Variants in SLC35F4 observed in about 807,000 individuals in gnomAD.
SLC35F4 encodes solute carrier family 35 member F4.
In SLC35F4, 24 loss-of-function variants were observed where a neutral mutation model predicts 44.2. The observed-to-expected ratio is 0.54, with a 90% CI of 0.39 to 0.76. The LOEUF is 0.76. Among genes scored for constraint, SLC35F4 ranks in the 30% least tolerant of loss-of-function variants. The pLI is 0.00. For synonymous variants in SLC35F4, 238 were observed against 223.6 expected, an observed-to-expected ratio of 1.06 and a Z score of -0.57; for missense variants, 562 against 586.1, an observed-to-expected ratio of 0.96 and a Z score of 0.42.
chr14:57,567,285 A>G (rs947517241), intron 6 of SLC35F4, among the ~76,000 whole-genome samples: 5 of 152,242 alleles, frequency 3.3e-5, no homozygotes, highest in Non-Finnish European at 7.3e-5. Flanking sequence ...AAAAAGAATT[A>G]TAAATTACAA....
chr14:57,976,903 A>T (rs1186411735), exon 2 of SLC35F4: 1 of 152,226 alleles, frequency 6.6e-6, no homozygotes, highest in Non-Finnish European at 1.5e-5. Flanking sequence ...TTGTCTTGAC[A>T]TTCTGCAGAC....
At chr14:57,678,534 G>T (rs2074777712) in intron 1 of SLC35F4, among the ~76,000 whole-genome samples, 1 of 152,008 alleles carries the variant, frequency 6.6e-6, no homozygotes, top group Non-Finnish European at 1.5e-5. Context: ...ACCCTTAAAT[G>T]TAAATGGGCT....
At chr14:57,716,935 T>C (rs562726413) in intron 1 of SLC35F4, among the ~76,000 whole-genome samples, 1 of 152,176 alleles carries the variant, frequency 6.6e-6, no homozygotes, top group Non-Finnish European at 1.5e-5. Flanking sequence ...TGAGATCAAC[T>C]TTTTTAGCTT....
At chr14:57,843,330 G>C (rs879387581) in intron 1 of SLC35F4, among the ~76,000 whole-genome samples, 4 of 152,110 alleles carry the variant, frequency 2.6e-5, no homozygotes, top group Non-Finnish European at 5.9e-5. Context: ...CCAGGATCCT[G>C]ACTGAATATT....
chr14:57,787,023 G>T (rs183606161), intron 1 of SLC35F4, among the ~76,000 whole-genome samples: 2 of 152,144 alleles, frequency 1.3e-5, no homozygotes, highest in African/African-American at 4.8e-5. Context: ...AACGATACAA[G>T]AAGTGAAGGG....
At chr14:57,729,406 T>C (rs1454914690) in intron 1 of SLC35F4, among the ~76,000 whole-genome samples, 1 of 152,168 alleles carries the variant, frequency 6.6e-6, no homozygotes, top group Non-Finnish European at 1.5e-5. Flanking sequence ...ACTCCTCGGG[T>C]ATTGCTGTTA....
At chr14:57,937,064 C>CTTGCT (rs1555329412) in intron 1 of SLC35F4, among the ~76,000 whole-genome samples, 10,969 of 144,226 alleles carry the variant, frequency 0.076, 465 homozygotes, top group Middle Eastern at 0.13. Context: ...ATTTTACCTG[C>CTTGCT]TTTTTTTTTT....
At chr14:57,887,316 T>C (rs987793825) in intron 1 of SLC35F4, among the ~76,000 whole-genome samples, 5 of 152,178 alleles carry the variant, frequency 3.3e-5, no homozygotes, top group Non-Finnish European at 7.3e-5. Context: ...AGGCAGACAC[T>C]TGGGCTGCAT....
At position 57,704,069 on chromosome 14, in the gene SLC35F4, G is replaced by T. The variant is rs77775415; in HGVS notation, c.104-109945C>A. On this transcript the variant is annotated intron_variant, in intron 1 of 7. Coordinates refer to ENST00000556826, the MANE Select transcript of SLC35F4 (RefSeq NM_001306087.2). ...TTCTCTTCACCTTTTCTATAGCAAA[G>T]AACTATTTCTCTAGGCAGGACTTAG... Among the ~76,000 whole-genome samples the T allele has an allele frequency of 7.5e-3, 1,148 of 152,244 alleles. 20 individuals are homozygous for T. The highest frequency in any genetic ancestry group is 0.039 in the East Asian group (203 of 5,182).
chr14:57,979,930 T>G (rs541547485), intron 1 of SLC35F4, among the ~76,000 whole-genome samples: 21 of 152,342 alleles, frequency 1.4e-4, no homozygotes, highest in South Asian at 8.3e-4. Flanking sequence ...AATGTCATAA[T>G]CAGGGTTAAT....
At chr14:57,849,188 G>A (rs1886316102) in intron 1 of SLC35F4, among the ~76,000 whole-genome samples, 1 of 152,120 alleles carries the variant, frequency 6.6e-6, no homozygotes, top group South Asian at 2.1e-4. Context: ...TAACAATTTT[G>A]TTGTTGTTGT....
intron 1 of SLC35F4, among the ~76,000 whole-genome samples, chr14:57,617,824 C>G (rs2071934918): frequency 6.6e-6 from 1 of 152,164 alleles, no homozygotes. Flanking sequence ...AATAGGGAAC[C>G]TGGGACTTAC....
chr14:57,784,774 A>C (rs1444505242), intron 1 of SLC35F4, among the ~76,000 whole-genome samples: 1 of 152,126 alleles, frequency 6.6e-6, no homozygotes, highest in Non-Finnish European at 1.5e-5. Flanking sequence ...AAGTATACCT[A>C]ACTCTCTTGC....
intron 1 of SLC35F4, among the ~76,000 whole-genome samples, chr14:57,709,764 T>C (rs1464692521): frequency 6.6e-6 from 1 of 152,154 alleles, no homozygotes; most frequent in Non-Finnish European, 1.5e-5. Flanking sequence ...CCCTAAGGTA[T>C]CTGGTAGAAG....
chr14:57,647,205 T>C (rs1320668723), intron 1 of SLC35F4, among the ~76,000 whole-genome samples: 1 of 151,060 alleles, frequency 6.6e-6, no homozygotes, highest in Non-Finnish European at 1.5e-5. Flanking sequence ...TTGATCTGTC[T>C]AATGTTGACG....
chr14:57,730,684 T>A (rs2076321971), intron 1 of SLC35F4, among the ~76,000 whole-genome samples: 1 of 152,174 alleles, frequency 6.6e-6, no homozygotes, highest in African/African-American at 2.4e-5. Context: ...GGGGCATCCA[T>A]GAAAAATGGT....
intron 3 of SLC35F4, among the ~76,000 whole-genome samples, chr14:57,582,244 G>T (rs1017018085): frequency 1.3e-5 from 2 of 152,004 alleles, no homozygotes; most frequent in Non-Finnish European, 2.9e-5. Context: ...TACCCAGGCT[G>T]GAATGCGGTA....
chr14:57,923,596 T>A (rs570267556), intron 1 of SLC35F4, among the ~76,000 whole-genome samples: 1 of 152,366 alleles, frequency 6.6e-6, no homozygotes, highest in African/African-American at 2.4e-5. Flanking sequence ...CCAACCACAC[T>A]ACTTTCCCAT....
chr14:57,940,386 T>A (rs1889895492), intron 1 of SLC35F4, among the ~76,000 whole-genome samples: 1 of 152,158 alleles, frequency 6.6e-6, no homozygotes, highest in African/African-American at 2.4e-5. Context: ...AATAGTTCAT[T>A]CTGTACACCC....
Sources: gnomAD v4.1 joint callset for allele counts (sites outside exome capture counted in the v4.1 genomes callset) on GRCh38, gnomAD v4.1.1 for gene constraint, MANE v1.5 for transcripts, NCBI Gene and HGNC (gene_info 2026-07-23, HGNC 2026-07-21) for gene names.